Variants in KIF20A observed in about 807,000 individuals in gnomAD.
KIF20A encodes kinesin family member 20A.
A neutral mutation model predicts 113.0 loss-of-function variants in KIF20A; 66 were observed. The ratio of observed to expected loss-of-function variants is 0.58; its 90% CI spans 0.48 to 0.72. KIF20A has a LOEUF of 0.72. Ranked by LOEUF, KIF20A falls within the 30% of genes least tolerant of loss-of-function variation. The pLI is 0.00. For missense variants in KIF20A, 927 were observed against 1,077.6 expected, an observed-to-expected ratio of 0.86 and a Z score of 1.96; for synonymous variants, 376 against 402.3, an observed-to-expected ratio of 0.93 and a Z score of 0.78.
rs778145786 is a variant in KIF20A at position 138,185,541 on chromosome 5, A to G, written c.1956A>G (p.Glu652=). 8.1e-6 allele frequency: 13 copies of G among 1,613,688 alleles called. No homozygotes were observed. The highest frequency in any genetic ancestry group is 1.1e-5 in the Non-Finnish European group (13 of 1,180,024). The part of the protein sequence containing the change: ...QERDEKIEEL[E]ALLQEARQQS... ...GGGATGAAAAGATTGAAGAGCTAGA[A>G]GCTCTCTTGCAGGAAGCCAGACAAC... Residue 652 remains glutamate, a synonymous_variant, in exon 16 of 19, where the codon GAA becomes GAG. Transcript: ENST00000394894.
intron 13 of KIF20A, 31 bp downstream of exon 13, chr5:138,184,707 G>C (rs541436631): frequency 1.2e-6 from 2 of 1,611,150 alleles, no homozygotes; most frequent in East Asian, 4.5e-5. Flanking sequence ...TAGTGTAGCA[G>C]CTTAGTAGCT....
At position 138,181,711 on chromosome 5, in the gene KIF20A, A is replaced by G; in HGVS notation, c.358A>G (p.Arg120Gly). The G allele has an allele frequency of 6.2e-7, 1 of 1,614,008 alleles. No individual in the cohort carries two copies. The highest frequency in any genetic ancestry group is 1.1e-5 in the South Asian group (1 of 91,078). The change falls in exon 4 of 19, where the codon AGG (arginine) becomes GGG (glycine). Residue 120 changes from arginine (R) to glycine (G), a missense_variant. Transcript: ENST00000394894. ...ACGGGGAATTGGCCAAGCCACACAC[A>G]GGTTCACCTTTTCCCAGGTATGGAG... Reference protein sequence around the residue: ...NERGIGQATHRFTFSQIFGPE... With the variant: ...NERGIGQATHGFTFSQIFGPE...
Position 138,183,783 on chromosome 5 carries a change from GCTT to G in KIF20A, c.1208+31_1208+33del, listed in dbSNP as rs1229881397. On this transcript the variant is annotated intron_variant, in intron 10 of 18. Transcript: ENST00000394894. This position sits in a 1 kb window ranked among gnomAD's most constrained non-coding sequence, Gnocchi z 5.2. The stretch of plus-strand genomic sequence containing the variant: ...TAAGTTTATCCATTTAGAAATTTGG[GCTT>G]CTTGGCCATAAATGATAGTTGGGAA... 6.2e-7 allele frequency: 1 copy of G among 1,602,360 alleles called. No homozygotes were observed. Among genetic ancestry groups the G allele is most frequent in the East Asian group, 2.2e-5 (1 of 44,808 alleles).
Position 138,183,529 on chromosome 5 carries a change from C to G in KIF20A, c.1087C>G (p.Arg363Gly), listed in dbSNP as rs202142584. ...GGCCTGGAAGCTCCTAAAAGTGGGT[C>G]GTAAGAACCAGAGCTTTGCCAGCAC... The part of the protein sequence containing the change: ...EEAWKLLKVG[R>G]KNQSFASTHL... Residue 363 changes from arginine (R) to glycine (G), a missense_variant, in exon 9 of 19, where the codon CGT (arginine) becomes GGT (glycine). Physicochemically the swap from Arg to Gly is moderately radical, Grantham distance 125. Coordinates refer to ENST00000394894, the MANE Select transcript of KIF20A (RefSeq NM_005733.3). This position sits in a 1 kb window ranked among gnomAD's most constrained non-coding sequence, Gnocchi z 5.2. 5 of 1,613,968 alleles carry G rather than the reference C, an allele frequency of 3.1e-6. 1 individual carries two copies. The highest frequency in any genetic ancestry group is 3.3e-5 in the Admixed American group (2 of 59,990).
chr5:138,183,588 A>G lies in KIF20A; in HGVS notation c.1139+7A>G. 6.2e-7 allele frequency: 1 copy of G among 1,612,654 alleles called. No individual in the cohort carries two copies. The highest frequency in any genetic ancestry group is 1.7e-5 in the Admixed American group (1 of 60,022). ...ACCAGAACTCCAGCCGCAGGTGAGT[A>G]GATTGTAAGAATAAACTCTTCACTG... On this transcript the variant is annotated splice_region_variant and intron_variant, in intron 9 of 18. Coordinates refer to ENST00000394894, the MANE Select transcript of KIF20A (RefSeq NM_005733.3). This position sits in a 1 kb window ranked among gnomAD's most constrained non-coding sequence, Gnocchi z 5.2.
chr5:138,182,174 TTTAG>T, intron 4 of KIF20A, 145 bp from the exon 5 acceptor site: 1 of 817,164 alleles, frequency 1.2e-6, no homozygotes, highest in Non-Finnish European at 1.9e-6. Context: ...GTCCTCAGTG[TTTAG>T]GGAACAGCCA....
chr5:138,186,238 G>A, intron 17 of KIF20A, 56 bp from the exon 18 acceptor site: 1 of 1,569,418 alleles, frequency 6.4e-7, no homozygotes, highest in Non-Finnish European at 8.6e-7. Flanking sequence ...GACCCCTCCA[G>A]ATCATTATCC....
At chr5:138,185,374 T>A in intron 15 of KIF20A, 138 bp from the exon 16 acceptor site, 1 of 895,304 alleles carries the variant, frequency 1.1e-6, no homozygotes, top group Non-Finnish European at 1.8e-6. Context: ...AAGGGTTTAG[T>A]TGGCCAGGAA....
Position 138,184,570 on chromosome 5 carries a change from A to T in KIF20A, c.1577A>T (p.Glu526Val), listed in dbSNP as rs1345469939. The T allele has an allele frequency of 3.1e-6, 5 of 1,614,182 alleles. No homozygotes were observed. The highest frequency in any genetic ancestry group is 4.2e-6 in the Non-Finnish European group (5 of 1,180,018). ...CCATCCCTGCACTCGTTCATCAAGG[A>T]ACATAGTCTTCAGGTATCCCCCAGC... ...GFPSLHSFIK[E>V]HSLQVSPSLE... Residue 526 changes from glutamate to valine, a missense_variant, in exon 13 of 19, where the codon GAA becomes GTA. Transcript: ENST00000394894.
rs1382549905 is a variant in KIF20A at position 138,187,631 on chromosome 5, AAC to A, written c.*220_*221del. ...CTTATATGATTTCTATGCACACAAAAACAGTTATATTAAAGATATTATTGTTC... is the reference window on the plus strand; with the variant it reads ...CTTATATGATTTCTATGCACACAAAAAGTTATATTAAAGATATTATTGTTC... On this transcript the variant is annotated 3_prime_UTR_variant, in exon 19 of 19. Coordinates refer to ENST00000394894, the MANE Select transcript of KIF20A (RefSeq NM_005733.3). The A allele has an allele frequency of 1.3e-4, 55 of 420,430 alleles. No homozygotes were observed. The highest frequency in any genetic ancestry group is 7.2e-4 in the African/African-American group (36 of 50,230). The allele number at this position is 420,430 out of a possible 1,614,324, so 26.0% of individuals were successfully genotyped here. A position where few individuals can be genotyped will look rare whatever the true frequency, so the allele number is the denominator to read the frequency against.
At chr5:138,181,331 TATC>T (rs1484063366) in intron 2 of KIF20A, 88 bp from the exon 3 acceptor site, 24 of 1,007,010 alleles carry the variant, frequency 2.4e-5, no homozygotes, top group African/African-American at 6.3e-5. Flanking sequence ...GGGGTAGTGT[TATC>T]ATAGTTCCTA....
At chr5:138,185,269 T>G in intron 15 of KIF20A, 72 bp downstream of exon 15, 1 of 1,046,482 alleles carries the variant, frequency 9.6e-7, no homozygotes, top group East Asian at 2.4e-5. Flanking sequence ...GTAAAGAGAT[T>G]TTATAAACTA....
In KIF20A at chr5:138,185,402, C is replaced by T. The variant is rs201184173; in HGVS notation, c.1927-110C>T. 3.3e-5 allele frequency: 35 copies of T among 1,064,636 alleles called. No homozygotes were observed. In the East Asian group the frequency reaches 7.6e-4, roughly 23 times the overall value. 65.9% of individuals were successfully genotyped at this position (1,064,636 alleles called of 1,614,324 possible). A position where few individuals can be genotyped will look rare whatever the true frequency, so the allele number is the denominator to read the frequency against. On this transcript the variant is annotated intron_variant, in intron 15 of 18. Coordinates refer to ENST00000394894, the MANE Select transcript of KIF20A (RefSeq NM_005733.3). ...GCCAGGAAATCGTATTAAGTGCTAACAACAGGTTTTCAAGGGATCAGTGTC... is the reference window on the plus strand; with the variant it reads ...GCCAGGAAATCGTATTAAGTGCTAATAACAGGTTTTCAAGGGATCAGTGTC...
At chr5:138,179,453 C>T (rs1661600121) in intron 1 of KIF20A, 2 of 516,394 alleles carry the variant, frequency 3.9e-6, no homozygotes, top group South Asian at 2.1e-5. Flanking sequence ...GACTTCTGTT[C>T]GCGTTCAGAA....
chr5:138,180,965 C>T (rs1754651954), intron 2 of KIF20A, among the ~76,000 whole-genome samples: 1 of 152,244 alleles, frequency 6.6e-6, no homozygotes, highest in South Asian at 2.1e-4. Flanking sequence ...GCGTGAGCCC[C>T]TGCACCCAGC....
chr5:138,179,527 C>A, intron 1 of KIF20A, 133 bp from the exon 2 acceptor site: 1 of 662,614 alleles, frequency 1.5e-6, no homozygotes, highest in Non-Finnish European at 2.6e-6. Flanking sequence ...TTCCCCTTTG[C>A]CGATAATTGG....
Position 138,182,859 on chromosome 5 carries a change from A to G in KIF20A, c.703-2A>G, listed in dbSNP as rs746290122. 156 of 1,614,024 alleles carry G rather than the reference A, an allele frequency of 9.7e-5. No homozygotes were observed. Among genetic ancestry groups the G allele is most frequent in the Non-Finnish European group, 1.2e-4 (146 of 1,179,988 alleles). Reference sequence around the variant, plus strand: ...GCTTACCTTCTCCCTGTGCCCCTCCAGGAGGAGCTGTCCACTTCCTTGAAG... The same window carrying G: ...GCTTACCTTCTCCCTGTGCCCCTCCGGGAGGAGCTGTCCACTTCCTTGAAG... On this transcript the variant is annotated splice_acceptor_variant, in intron 6 of 18. Transcript: ENST00000394894. LOFTEE classifies it high-confidence loss of function.
Position 138,181,693 on chromosome 5 carries a change from A to T in KIF20A, c.340A>T (p.Ile114Phe). Residue 114 changes from isoleucine to phenylalanine, a missense_variant, in exon 4 of 19, where the codon ATT (isoleucine) becomes TTT (phenylalanine). Coordinates refer to ENST00000394894, the MANE Select transcript of KIF20A (RefSeq NM_005733.3). ...TGCCCTGAAGAGCAATGAACGGGGA[A>T]TTGGCCAAGCCACACACAGGTTCAC... ...SFALKSNERG[I>F]GQATHRFTFS... The T allele has an allele frequency of 6.2e-7, 1 of 1,614,098 alleles. No homozygotes were observed. Among genetic ancestry groups the T allele is most frequent in the Admixed American group, 1.7e-5 (1 of 60,028 alleles).
Position 138,183,569 on chromosome 5 carries a change from A to G in KIF20A, c.1127A>G (p.Asn376Ser), listed in dbSNP as rs777234318. 6.2e-7 allele frequency: 1 copy of G among 1,613,866 alleles called. No homozygotes were observed. Among genetic ancestry groups the G allele is most frequent in the Non-Finnish European group, 8.5e-7 (1 of 1,179,942 alleles). The change falls in exon 9 of 19, where the codon AAC becomes AGC. Residue 376 changes from asparagine (N) to serine (S), a missense_variant. Coordinates refer to ENST00000394894, the MANE Select transcript of KIF20A (RefSeq NM_005733.3). This position sits in a 1 kb window ranked among gnomAD's most constrained non-coding sequence, Gnocchi z 5.2. The stretch of plus-strand genomic sequence containing the variant: ...TTTGCCAGCACCCACCTCAACCAGA[A>G]CTCCAGCCGCAGGTGAGTAGATTGT... ...QSFASTHLNQ[N>S]SSRSHSIFSI...
Sources: gnomAD v4.1 joint callset for allele counts (sites outside exome capture counted in the v4.1 genomes callset) on GRCh38, gnomAD v4.1.1 for gene constraint, Gnocchi (gnomAD v3.1) non-coding constraint, MANE v1.5 for transcripts, NCBI Gene and HGNC (gene_info 2026-07-23, HGNC 2026-07-21) for gene names.